The following DOCK8 variants were observed in gnomAD, a reference collection of about 807,000 sequenced individuals.
The protein encoded by DOCK8 is dedicator of cytokinesis protein 8.
Under a neutral mutation model 245.6 loss-of-function variants are expected in DOCK8, and 141 were observed. The observed-to-expected ratio is 0.57, with a 90% confidence interval of 0.50 to 0.66. DOCK8 has a LOEUF of 0.66. Ranked by LOEUF, DOCK8 falls within the 30% of genes least tolerant of loss-of-function variation. The pLI, the probability that DOCK8 is intolerant of heterozygous loss-of-function variation, is 0.00. For synonymous variants in DOCK8, 1,168 were observed against 970.2 expected, an observed-to-expected ratio of 1.20 and a Z score of -3.79; for missense variants, 2,965 against 2,603.4, an observed-to-expected ratio of 1.14 and a Z score of -3.02.
intron 25 of DOCK8, among the ~76,000 whole-genome samples, chr9:397,424 C>T (rs182995344): frequency 6.6e-6 from 1 of 150,522 alleles, no homozygotes; most frequent in East Asian, 2.0e-4. Flanking sequence ...TGCAGTGGCT[C>T]ACACCTGTAA....
At chr9:235,639 A>C (rs1186228251) in intron 1 of DOCK8, among the ~76,000 whole-genome samples, 2 of 152,172 alleles carry the variant, frequency 1.3e-5, no homozygotes, top group African/African-American at 4.8e-5. Flanking sequence ...GCCGCCTTGC[A>C]GTTTGATCTC....
chr9:426,781 T>G (rs2056518690), intron 33 of DOCK8, 104 bp from the exon 34 acceptor site: 1 of 883,908 alleles, frequency 1.1e-6, no homozygotes, highest in Non-Finnish European at 1.9e-6. Context: ...ATTTCAAGGT[T>G]GACTATTTTG....
At chr9:323,194 T>C (rs913977709) in intron 7 of DOCK8, among the ~76,000 whole-genome samples, 2 of 147,336 alleles carry the variant, frequency 1.4e-5, no homozygotes, top group Non-Finnish European at 3.0e-5. Flanking sequence ...GGTGGTAAAA[T>C]GTATGTAACA....
Position 435,277 on chromosome 9 carries a change from T to G in DOCK8, c.5079+302T>G, listed in dbSNP as rs1337900103. 9.3e-5 allele frequency among the ~76,000 whole-genome samples: 14 copies of G among 151,236 alleles called. No homozygotes were observed. In the South Asian group the frequency reaches 2.9e-3, roughly 31 times the overall value. The stretch of plus-strand genomic sequence containing the variant: ...TAATTGCTTTCCCATCGTCGTTGGG[T>G]TTTTTTTAAATTACTGTTTACAATA... On this transcript the variant is annotated intron_variant, in intron 39 of 47. Coordinates refer to ENST00000432829, the MANE Select transcript of DOCK8 (RefSeq NM_203447.4).
At chr9:399,961 T>C (rs1205654123) in intron 26 of DOCK8, among the ~76,000 whole-genome samples, 1 of 147,050 alleles carries the variant, frequency 6.8e-6, no homozygotes, top group Non-Finnish European at 1.5e-5. Context: ...ATGCCCACTA[T>C]CACCACCTTC....
At chr9:377,634 CAT>C (rs1235974979) in intron 20 of DOCK8, among the ~76,000 whole-genome samples, 1 of 152,166 alleles carries the variant, frequency 6.6e-6, no homozygotes, top group Non-Finnish European at 1.5e-5. Context: ...AAAGTTAAAA[CAT>C]AAACTCACTA....
upstream of DOCK8, chr9:214,490 C>G: frequency 6.2e-7 from 1 of 1,608,362 alleles, no homozygotes; most frequent in Non-Finnish European, 8.5e-7. Flanking sequence ...ATGGTGTCAA[C>G]CCTTAATAAC....
At chr9:302,971 T>G (rs1373548934) in intron 4 of DOCK8, among the ~76,000 whole-genome samples, 1 of 146,136 alleles carries the variant, frequency 6.8e-6, no homozygotes, top group Non-Finnish European at 1.5e-5. Flanking sequence ...CTACAAAACA[T>G]CAAAATAAAT....
At chr9:269,491 C>T (rs996764977) in intron 1 of DOCK8, among the ~76,000 whole-genome samples, 1 of 149,156 alleles carries the variant, frequency 6.7e-6, no homozygotes, top group East Asian at 2.0e-4. Context: ...ATTTTTTGGC[C>T]TTTATGAATA....
intron 30 of DOCK8, 133 bp from the exon 31 acceptor site, chr9:420,268 C>T: frequency 1.0e-6 from 1 of 988,146 alleles, no homozygotes; most frequent in Non-Finnish European, 1.6e-6. Flanking sequence ...GATCTCCAGC[C>T]TAGCAGTGAT....
intron 1 of DOCK8, among the ~76,000 whole-genome samples, chr9:266,287 C>T (rs2048033465): frequency 1.3e-5 from 2 of 152,044 alleles, no homozygotes; most frequent in Admixed American, 1.3e-4. Context: ...TTCATCTGCC[C>T]TCCTCCCACC....
At chr9:390,434 T>C (rs751902963) in intron 23 of DOCK8, 37 bp from the exon 24 acceptor site, 1 of 1,584,908 alleles carries the variant, frequency 6.3e-7, no homozygotes. Context: ...AATAATAGCC[T>C]TTGTTTCACA....
intron 1 of DOCK8, among the ~76,000 whole-genome samples, chr9:266,396 C>G (rs1406302127): frequency 7.9e-6 from 1 of 127,052 alleles, no homozygotes; most frequent in Non-Finnish European, 1.7e-5. Context: ...AATGAATGAA[C>G]CAACCATTCC....
At chr9:271,065 C>G (rs1563856975) in intron 1 of DOCK8, among the ~76,000 whole-genome samples, 1 of 152,178 alleles carries the variant, frequency 6.6e-6, no homozygotes, top group Admixed American at 6.5e-5. Flanking sequence ...ATGGGTGATG[C>G]AAAGGATCAC....
intron 1 of DOCK8, among the ~76,000 whole-genome samples, chr9:256,364 T>C (rs2047775448): frequency 6.6e-6 from 1 of 152,194 alleles, no homozygotes; most frequent in Admixed American, 6.5e-5. Flanking sequence ...ACTTGGTTCT[T>C]AGGTCGGAAC....
intron 15 of DOCK8, chr9:369,816 C>G: frequency 4.7e-6 from 1 of 213,688 alleles, no homozygotes; most frequent in Non-Finnish European, 9.4e-6. Flanking sequence ...TTTTTTTTTT[C>G]TTTTTGAGAC....
chr9:286,012 A>C (rs1000059555), intron 2 of DOCK8, among the ~76,000 whole-genome samples: 1 of 152,218 alleles, frequency 6.6e-6, no homozygotes, highest in Non-Finnish European at 1.5e-5. Context: ...CAAAAGAAAC[A>C]CTGTGCCTAA....
chr9:274,385 C>T (rs1387172228), intron 2 of DOCK8, among the ~76,000 whole-genome samples: 1 of 151,914 alleles, frequency 6.6e-6, no homozygotes, highest in Non-Finnish European at 1.5e-5. Flanking sequence ...TTTCCCATCT[C>T]TTGACTTCAA....
intron 8 of DOCK8, among the ~76,000 whole-genome samples, chr9:327,767 C>A (rs917111091): frequency 2.6e-5 from 4 of 152,146 alleles, no homozygotes; most frequent in African/African-American, 4.8e-5. Flanking sequence ...GTAACTGATA[C>A]TCAGGAAATA....
Sources: gnomAD v4.1 joint callset for allele counts (sites outside exome capture counted in the v4.1 genomes callset) on GRCh38, gnomAD v4.1.1 for gene constraint, MANE v1.5 for transcripts, NCBI Gene and HGNC (gene_info 2026-07-23, HGNC 2026-07-21) for gene names.